The following MYT1 variants were observed in gnomAD, a reference collection of about 807,000 sequenced individuals.
MYT1 encodes the protein myelin transcription factor I.
In MYT1, 23 loss-of-function variants were observed where a neutral mutation model predicts 123.0. The observed-to-expected ratio is 0.19, with a 90% CI of 0.13 to 0.26. The LOEUF (loss-of-function observed/expected upper bound fraction) is 0.26, where lower values mean the gene tolerates loss of function less well. Among genes scored for constraint, MYT1 ranks in the 10% least tolerant of loss-of-function variants. The pLI, the probability that MYT1 is intolerant of heterozygous loss-of-function variation, is 1.00. For synonymous variants in MYT1, 518 were observed against 575.3 expected (o/e 0.90, Z 1.43); for missense variants, 1,125 against 1,472.5 (o/e 0.76, Z 3.86).
Position 64,199,742 on chromosome 20 carries a change from C to A in MYT1, c.56-150C>A, listed in dbSNP as rs985748104. On this transcript the variant is annotated intron_variant, in intron 3 of 22. Transcript: ENST00000328439. ...TGGGAGGTCAGGAAAGGGTGAGCGC[C>A]CTGGGGAAACGGCTCAGGTCTCACT... is the stretch of plus-strand genomic sequence containing the variant. 3.3e-5 allele frequency: 29 copies of A among 866,804 alleles called. No individual in the cohort carries two copies. The African/African-American group carries it at 4.6e-4, about 14-fold the overall frequency. The allele number at this position is 866,804 out of a possible 1,614,324, so 53.7% of individuals were successfully genotyped here.
intron 1 of MYT1, among the ~76,000 whole-genome samples, chr20:64,169,406 G>C (rs1457721124): frequency 6.6e-6 from 1 of 152,192 alleles, no homozygotes. Context: ...AGGGTTTTTG[G>C]GTTCTGAAAA....
intron 1 of MYT1, among the ~76,000 whole-genome samples, chr20:64,183,614 C>T (rs1476465568): frequency 2.0e-5 from 3 of 152,184 alleles, no homozygotes; most frequent in Non-Finnish European, 4.4e-5. Context: ...AGCTGTTGGG[C>T]ATCTCTTCAT....
chr20:64,197,637 G>A (rs1273083661), intron 2 of MYT1, among the ~76,000 whole-genome samples: 1 of 152,214 alleles, frequency 6.6e-6, no homozygotes. Flanking sequence ...CGCCTGGTGT[G>A]GCTCCCCGGG....
chr20:64,223,169 C>T lies in MYT1; in HGVS notation c.2455C>T (p.Arg819Cys). ...CATCACCGGGAACTACGCCTCCCAC[C>T]GCAGGTTTGTCTCCTGCTCGGGTCC... ...GHITGNYASH[R>C]SLSGCPLADK... is the part of the protein sequence containing the mutation. The change falls in exon 15 of 23, where the codon CGC becomes TGC. Residue 819 changes from arginine to cysteine, a missense_variant. By Grantham distance (180) the Arg-to-Cys change is radical. This residue lies in a region of MYT1 where 47 missense variants were observed against 113.1 expected (regional missense o/e 0.42). Coordinates refer to ENST00000328439, the MANE Select transcript of MYT1 (RefSeq NM_004535.3). 6.2e-7 allele frequency: 1 copy of T among 1,614,208 alleles called. No homozygotes were observed. Among genetic ancestry groups the T allele is most frequent in the Non-Finnish European group, 8.5e-7 (1 of 1,180,034 alleles).
At position 64,217,095 on chromosome 20, in the gene MYT1, G is replaced by T. The variant is rs749822880; in HGVS notation, c.1660G>T (p.Val554Phe). ...RPMCFVKQLEVPPYGSYRPNV... is the reference protein window; with the variant it reads ...RPMCFVKQLEFPPYGSYRPNV... Reference sequence around the variant, plus strand: ...CATGTGCTTCGTGAAGCAGCTCGAGGTCCCTCCATATGGGAGCTACCGGCC... The same window carrying T: ...CATGTGCTTCGTGAAGCAGCTCGAGTTCCCTCCATATGGGAGCTACCGGCC... The change falls in exon 11 of 23, where the codon GTC (valine) becomes TTC (phenylalanine). Residue 554 changes from valine (V) to phenylalanine (F), a missense_variant. Val to Phe is a conservative substitution (Grantham distance 50). Around this residue, in one of 4 missense-constraint regions of MYT1, gnomAD observed 429 missense variants for 604.1 expected, o/e 0.71. Transcript: ENST00000328439. 1 of 1,613,908 alleles carries T rather than the reference G, an allele frequency of 6.2e-7. No individual in the cohort carries two copies. Among genetic ancestry groups the T allele is most frequent in the Non-Finnish European group, 8.5e-7 (1 of 1,180,014 alleles).
At position 64,185,422 on chromosome 20, in the gene MYT1, C is replaced by G. The variant is rs768022418; in HGVS notation, c.-98-4641C>G. On this transcript the variant is annotated intron_variant, in intron 1 of 22. Transcript: ENST00000328439. This position sits in a 1 kb window ranked among gnomAD's most constrained non-coding sequence, Gnocchi z 4.5. ...AGGGGCAGGTGGTAACAGCTCCTGG[C>G]CCCAAAGGCAGCCCTAGTTACCAGA... Among the ~76,000 whole-genome samples the G allele has an allele frequency of 6.6e-6, 1 of 152,080 alleles. No homozygotes were observed. Among genetic ancestry groups the G allele is most frequent in the Non-Finnish European group, 1.5e-5 (1 of 68,002 alleles).
chr20:64,205,240 A>T, intron 5 of MYT1, 143 bp downstream of exon 5: 1 of 1,026,408 alleles, frequency 9.7e-7, no homozygotes. Flanking sequence ...GCGACCTCCC[A>T]CTCTAGCGTG....
At chr20:64,178,780 G>A (rs6122265) in intron 1 of MYT1, among the ~76,000 whole-genome samples, 22 of 66,148 alleles carry the variant, frequency 3.3e-4, no homozygotes, top group Admixed American at 4.8e-4. Context: ...TCGGTGGGAT[G>A]CCCTTCAACG....
At position 64,186,431 on chromosome 20, in the gene MYT1, C is replaced by T. The variant is rs926803465; in HGVS notation, c.-98-3632C>T. Among the ~76,000 whole-genome samples the T allele has an allele frequency of 3.3e-5, 5 of 152,178 alleles. No individual in the cohort carries two copies. The highest frequency in any genetic ancestry group is 7.2e-5 in the African/African-American group (3 of 41,448). ...ACTCAATAACCCAAGAGAACAGGCT[C>T]GTCTGGATGAAAACCTCCACTTCAC... On this transcript the variant is annotated intron_variant, in intron 1 of 22. Transcript: ENST00000328439. This position sits in a 1 kb window ranked among gnomAD's most constrained non-coding sequence, Gnocchi z 4.3.
Position 64,207,688 on chromosome 20 carries a change from C to T in MYT1, c.492C>T (p.Ile164=), listed in dbSNP as rs768737614. 1.9e-6 allele frequency: 3 copies of T among 1,614,082 alleles called. No individual in the cohort carries two copies. The highest frequency in any genetic ancestry group is 2.2e-5 in the East Asian group (1 of 44,860). Reference sequence around the variant, plus strand: ...GCTACAGCAGCTACCAGGGAATCATCGCAACTTCTCTCCTGAACTTGGGTC... The same window carrying T: ...GCTACAGCAGCTACCAGGGAATCATTGCAACTTCTCTCCTGAACTTGGGTC... ...KGSYSSYQGI[I]ATSLLNLGQI... Residue 164 remains isoleucine, a synonymous_variant, in exon 7 of 23, where the codon ATC becomes ATT. Transcript: ENST00000328439.
chr20:64,240,010 A>G (rs1352911736), intron 22 of MYT1, 107 bp downstream of exon 22: 2 of 1,487,494 alleles, frequency 1.3e-6, no homozygotes, highest in Non-Finnish European at 1.8e-6. Context: ...GTCCTGCCCT[A>G]GGGGCCCTGT....
chr20:64,234,879 TGGCCGTGGTGG>T, intron 19 of MYT1, among the ~76,000 whole-genome samples: 1 of 147,180 alleles, frequency 6.8e-6, no homozygotes. Context: ...GACCCTGGGA[TGGCCGTGGTGG>T]GTGACACTGG....
chr20:64,173,655 T>C (rs1982363802), intron 1 of MYT1, among the ~76,000 whole-genome samples: 1 of 151,648 alleles, frequency 6.6e-6, no homozygotes, highest in African/African-American at 2.4e-5. Context: ...CTTGTAGTTG[T>C]GTCCATTTCC....
At position 64,236,544 on chromosome 20, in the gene MYT1, T is replaced by C; in HGVS notation, c.2898-11T>C. On this transcript the variant is annotated splice_polypyrimidine_tract_variant and intron_variant, in intron 19 of 22. Coordinates refer to ENST00000328439, the MANE Select transcript of MYT1 (RefSeq NM_004535.3). ...CTGGGCTGGTGAATGATATGTGGCC[T>C]CTGCTTCCAGTTTGTCAGGCTGTCC... The C allele has an allele frequency of 6.2e-7, 1 of 1,612,438 alleles. No individual in the cohort carries two copies. The highest frequency in any genetic ancestry group is 1.7e-5 in the Admixed American group (1 of 59,988).
At chr20:64,198,068 G>A (rs891216430) in intron 2 of MYT1, among the ~76,000 whole-genome samples, 2 of 151,964 alleles carry the variant, frequency 1.3e-5, no homozygotes, top group East Asian at 1.9e-4. Flanking sequence ...GGCGGATCAC[G>A]AGGTCAGGAG....
In MYT1 at chr20:64,166,333, T is replaced by G. The variant is rs1401456201; in HGVS notation, c.-99+1594T>G. Among the ~76,000 whole-genome samples, 1 of 152,104 alleles carries G rather than the reference T, an allele frequency of 6.6e-6. No homozygotes were observed. Among genetic ancestry groups the G allele is most frequent in the Non-Finnish European group, 1.5e-5 (1 of 67,988 alleles). ...AAGAGAAGGAGGCAGTCTTATGGAT[T>G]CTTCTGTCCCGTAGAGACTGAGACT... On this transcript the variant is annotated intron_variant, in intron 1 of 22. Transcript: ENST00000328439. The surrounding 1 kb of genome is among the most constrained non-coding windows in gnomAD (Gnocchi z 4.9).
chr20:64,227,636 C>A (rs913214380), intron 17 of MYT1, among the ~76,000 whole-genome samples, 159 bp downstream of exon 17: 1 of 152,196 alleles, frequency 6.6e-6, no homozygotes, highest in Non-Finnish European at 1.5e-5. Context: ...TTAAGTTGTC[C>A]TCTGCAGTAA....
intron 2 of MYT1, among the ~76,000 whole-genome samples, chr20:64,195,720 G>A (rs1322265421): frequency 6.6e-6 from 1 of 152,048 alleles, no homozygotes; most frequent in Non-Finnish European, 1.5e-5. Context: ...TTTCAAAAGA[G>A]CTTACATGAT....
intron 11 of MYT1, 63 bp downstream of exon 11, chr20:64,217,344 AG>A: frequency 6.4e-7 from 1 of 1,567,146 alleles, no homozygotes; most frequent in Non-Finnish European, 8.8e-7. Context: ...GCAGGATTCA[AG>A]GGGCAGTGGA....
Sources: allele counts gnomAD v4.1 joint callset (sites outside exome capture counted in the v4.1 genomes callset), GRCh38; gene constraint gnomAD v4.1.1; regional missense constraint gnomAD v4.1.1; non-coding constraint Gnocchi (gnomAD v3.1); transcripts MANE v1.5; gene names NCBI Gene and HGNC (gene_info 2026-07-23, HGNC 2026-07-21).